Variants in POLE observed in about 807,000 individuals in gnomAD.
The protein encoded by POLE is DNA polymerase epsilon catalytic subunit A.
POLE carries 188 observed loss-of-function variants against 279.2 expected under a neutral mutation model. The observed-to-expected ratio is 0.67, with a 90% CI of 0.60 to 0.76. The LOEUF (loss-of-function observed/expected upper bound fraction) is 0.76, where lower values mean the gene tolerates loss of function less well. Among genes scored for constraint, POLE ranks in the 30% least tolerant of loss-of-function variants. The pLI is 0.00. For synonymous variants in POLE, 1,214 were observed against 1,172.5 expected (o/e 1.04, Z -0.72); for missense variants, 2,703 against 3,016.7 (o/e 0.90, Z 2.44).
At chr12:132,665,529 G>A in intron 20 of POLE, 79 bp from the exon 21 acceptor site, 2 of 1,473,314 alleles carry the variant, frequency 1.4e-6, no homozygotes, top group South Asian at 1.3e-5. Context: ...CAGGTTTTTA[G>A]TATTTTGAAA....
At chr12:132,642,032 C>A (rs2042155502) in intron 38 of POLE, 145 bp downstream of exon 38, 2 of 940,368 alleles carry the variant, frequency 2.1e-6, no homozygotes, top group East Asian at 2.5e-5. Context: ...TGGACCTTGA[C>A]CCCAGGACCG....
At chr12:132,682,291 C>CAAAAAAAAA (rs759276322) in intron 1 of POLE, among the ~76,000 whole-genome samples, 5 of 120,486 alleles carry the variant, frequency 4.1e-5, no homozygotes, top group African/African-American at 1.4e-4. Context: ...GAGACTCCGG[C>CAAAAAAAAA]AAAAAAAAAA....
chr12:132,681,323 C>T (rs2136035404), intron 1 of POLE, 44 bp from the exon 2 acceptor site: 1 of 1,579,540 alleles, frequency 6.3e-7, no homozygotes, highest in Non-Finnish European at 8.6e-7. Context: ...GTAATGCCAC[C>T]TGCTGCTGCT....
chr12:132,634,153 TG>T lies in POLE; in HGVS notation c.6004+32del. The T allele has an allele frequency of 6.4e-7, 1 of 1,562,730 alleles. No homozygotes were observed. Among genetic ancestry groups the T allele is most frequent in the Non-Finnish European group, 8.7e-7 (1 of 1,144,878 alleles). ...ATCTACTAACCATGAGTCCCTTCAG[TG>T]GGGGCTGCGCAGCCCTGGGCTCTGG... On this transcript the variant is annotated intron_variant, in intron 43 of 48. Transcript: ENST00000320574. The surrounding 1 kb of genome is among the most constrained non-coding windows in gnomAD (Gnocchi z 4.0).
At chr12:132,653,726 C>A (rs768810602) in intron 29 of POLE, among the ~76,000 whole-genome samples, 1 of 152,200 alleles carries the variant, frequency 6.6e-6, no homozygotes, top group East Asian at 1.9e-4. Context: ...CAGTGGTTAA[C>A]AGGCATCCAT....
intron 1 of POLE, among the ~76,000 whole-genome samples, chr12:132,682,248 C>G (rs1434805424): frequency 4.7e-5 from 7 of 148,520 alleles, no homozygotes; most frequent in Non-Finnish European, 8.9e-5. Context: ...GAGCCGAGAA[C>G]GCGCCACCAC....
At chr12:132,667,097 C>T (rs900041975) in intron 20 of POLE, among the ~76,000 whole-genome samples, 2 of 152,118 alleles carry the variant, frequency 1.3e-5, no homozygotes, top group African/African-American at 2.4e-5. Flanking sequence ...CAGTTAAACA[C>T]GAGGGGCCGG....
chr12:132,681,081 C>T lies in POLE; in HGVS notation c.204+57G>A, dbSNP rs1004159206. 16 of 1,600,632 alleles carry T rather than the reference C, an allele frequency of 1.0e-5. No homozygotes were observed. In the African/African-American group the frequency reaches 2.1e-4, roughly 21 times the overall value. ...CCCCACTCTTTAGATAAGGACCACGCTATGACCAGAAGGGTTGCAGCCATA... is the reference window on the plus strand; with the variant it reads ...CCCCACTCTTTAGATAAGGACCACGTTATGACCAGAAGGGTTGCAGCCATA... On this transcript the variant is annotated intron_variant, in intron 2 of 48. Coordinates refer to ENST00000320574, the MANE Select transcript of POLE (RefSeq NM_006231.4).
chr12:132,636,465 A>AG, intron 41 of POLE, among the ~76,000 whole-genome samples: 1 of 151,222 alleles, frequency 6.6e-6, no homozygotes, highest in Non-Finnish European at 1.5e-5. Flanking sequence ...AAAAAAAAAA[A>AG]AAAGAACAGG....
In POLE at chr12:132,661,803, C is replaced by T; in HGVS notation, c.2707-119G>A. On this transcript the variant is annotated intron_variant, in intron 23 of 48. Transcript: ENST00000320574. This position sits in a 1 kb window ranked among gnomAD's most constrained non-coding sequence, Gnocchi z 4.1. Reference sequence around the variant, plus strand: ...AACCGAGGCTTTTCCACATAACTAACACGACTTGGCAGCAGGAAGGAAGGA... The same window carrying T: ...AACCGAGGCTTTTCCACATAACTAATACGACTTGGCAGCAGGAAGGAAGGA... 1 of 951,436 alleles carries T rather than the reference C, an allele frequency of 1.1e-6. No individual in the cohort carries two copies. The highest frequency in any genetic ancestry group is 1.6e-6 in the Non-Finnish European group (1 of 632,860). The allele number at this position is 951,436 out of a possible 1,614,324, so 58.9% of individuals were successfully genotyped here. A position where few individuals can be genotyped will look rare whatever the true frequency, so the allele number is the denominator to read the frequency against.
At chr12:132,684,037 T>C (rs369413140) in intron 1 of POLE, among the ~76,000 whole-genome samples, 80 of 125,438 alleles carry the variant, frequency 6.4e-4, no homozygotes, top group African/African-American at 1.8e-3. Flanking sequence ...AGAGCTACCA[T>C]TGACTGGTTA....
Position 132,681,126 on chromosome 12 carries a change from CCTAGTG to C in POLE, c.204+6_204+11del. On this transcript the variant is annotated splice_donor_region_variant and intron_variant, in intron 2 of 48. Coordinates refer to ENST00000320574, the MANE Select transcript of POLE (RefSeq NM_006231.4). ...GCCATATTCCTGGGTGGGAGAAGGA[CCTAGTG>C]CTTACAGGATGCATGTTAATGAGCC... The C allele has an allele frequency of 6.2e-7, 1 of 1,613,898 alleles. No individual in the cohort carries two copies. Among genetic ancestry groups the C allele is most frequent in the Non-Finnish European group, 8.5e-7 (1 of 1,179,974 alleles).
rs1555226498 is a variant in POLE at position 132,664,395 on chromosome 12, C to A, written c.2536G>T (p.Ala846Ser). The part of the protein sequence containing the change: ...CFTGANIITQ[A>S]RELIEQIGRP... ...CCAATCTGCTCGATCAGCTCCCGTG[C>A]CTGGGTGATGATGTTGGCCCCTGTG... The change falls in exon 22 of 49, where the codon GCA becomes TCA. Residue 846 changes from alanine to serine, a missense_variant. By Grantham distance (99) the Ala-to-Ser change is moderately conservative. Around this residue, in one of 5 missense-constraint regions of POLE, gnomAD observed 21 missense variants for 51.9 expected, o/e 0.40. Coordinates refer to ENST00000320574, the MANE Select transcript of POLE (RefSeq NM_006231.4). This position sits in a 1 kb window ranked among gnomAD's most constrained non-coding sequence, Gnocchi z 5.3. 1 of 1,614,032 alleles carries A rather than the reference C, an allele frequency of 6.2e-7. No homozygotes were observed. The highest frequency in any genetic ancestry group is 1.1e-5 in the South Asian group (1 of 91,086).
chr12:132,679,633 A>G lies in POLE; in HGVS notation c.442T>C (p.Leu148=), dbSNP rs762894704. 1.2e-5 allele frequency: 19 copies of G among 1,611,276 alleles called. No homozygotes were observed. The highest frequency in any genetic ancestry group is 1.6e-5 in the Non-Finnish European group (19 of 1,177,530). ...GACAGCCTGATGTAATTTCGCTTCAAACCCACCAAGTGATTTGGCTATAAT... is the reference window on the plus strand; with the variant it reads ...GACAGCCTGATGTAATTTCGCTTCAGACCCACCAAGTGATTTGGCTATAAT... The part of the protein sequence containing the change: ...DLDLPNHLVG[L]KRNYIRLSFH... The change falls in exon 6 of 49, where the codon TTG becomes CTG. Residue 148 remains leucine, a synonymous_variant. Coordinates refer to ENST00000320574, the MANE Select transcript of POLE (RefSeq NM_006231.4).
intron 25 of POLE, 57 bp downstream of exon 25, chr12:132,660,912 C>T: frequency 6.9e-7 from 1 of 1,443,500 alleles, no homozygotes; most frequent in Non-Finnish European, 9.3e-7. Context: ...ACGGGGTCCC[C>T]TTCTTGCTTC....
chr12:132,659,371 G>A lies in POLE; in HGVS notation c.3199C>T (p.Gln1067Ter), dbSNP rs2138675835. ...CTCAGCCCTGCATCCTTGACCATCT[G>A]GTCTCCCAGGAACTCGGCCAGGCGC... is the stretch of plus-strand genomic sequence containing the variant. ...AKRLAEFLGD[Q>*]MVKDAGLSCR... Residue 1067 changes from glutamine to a stop codon, truncating the protein, a stop_gained, in exon 26 of 49, where the codon CAG becomes TAG. Transcript: ENST00000320574. LOFTEE classifies it high-confidence loss of function. 6.2e-7 allele frequency: 1 copy of A among 1,614,228 alleles called. No homozygotes were observed. The highest frequency in any genetic ancestry group is 8.5e-7 in the Non-Finnish European group (1 of 1,180,038).
Position 132,679,435 on chromosome 12 carries a change from T to C in POLE, c.578+62A>G, listed in dbSNP as rs1438251392. The C allele has an allele frequency of 4.0e-6, 6 of 1,513,342 alleles. No individual in the cohort carries two copies. In the African/African-American group the frequency reaches 5.5e-5, roughly 14 times the overall value. The allele number at this position is 1,513,342 out of a possible 1,614,324, so 93.7% of individuals were successfully genotyped here. On this transcript the variant is annotated intron_variant, in intron 6 of 48. Coordinates refer to ENST00000320574, the MANE Select transcript of POLE (RefSeq NM_006231.4). ...AGGTAACTTTGTTGCTACGTGTTCC[T>C]GTCTCCTATCCATCTTGTCGTTCTG...
chr12:132,676,377 C>T (rs916610768), intron 9 of POLE, 169 bp downstream of exon 9: 11 of 709,254 alleles, frequency 1.6e-5, no homozygotes, highest in Non-Finnish European at 2.7e-5. Context: ...GATTCCCACT[C>T]GAAAGGGGAG....
rs758830037 is a variant in POLE at position 132,643,471 on chromosome 12, T to C, written c.4380A>G (p.Ala1460=). ...CCAGGTGCTCAAGAGCAAAGGTCTC[T>C]GCTTCCCAGCCTGAAAGGTGCCTCA... The part of the protein sequence containing the change: ...QLVRHLSGWE[A]ETFALEHLEM... The change falls in exon 34 of 49, where the codon GCA becomes GCG. Residue 1460 remains alanine, a synonymous_variant. Transcript: ENST00000320574. 7 of 1,614,122 alleles carry C rather than the reference T, an allele frequency of 4.3e-6. No individual in the cohort carries two copies. In the Admixed American group the frequency reaches 5.0e-5, roughly 12 times the overall value.
Sources: allele counts gnomAD v4.1 joint callset (sites outside exome capture counted in the v4.1 genomes callset), GRCh38; gene constraint gnomAD v4.1.1; regional missense constraint gnomAD v4.1.1; non-coding constraint Gnocchi (gnomAD v3.1); transcripts MANE v1.5; gene names NCBI Gene and HGNC (gene_info 2026-07-23, HGNC 2026-07-21).